Variants in B3GLCT observed in about 807,000 individuals in gnomAD.
B3GLCT encodes the protein beta 3-glucosyltransferase, also known as beta-1,3-glucosyltransferase.
B3GLCT carries 65 observed loss-of-function variants against 63.4 expected under a neutral mutation model. The ratio of observed to expected loss-of-function variants is 1.03; its 90% CI spans 0.84 to 1.26. The LOEUF (loss-of-function observed/expected upper bound fraction) is 1.26, where lower values mean the gene tolerates loss of function less well. B3GLCT is among the 50% of genes most tolerant of loss of function. B3GLCT has a pLI of 0.00. For synonymous variants in B3GLCT, 233 were observed against 219.2 expected, an observed-to-expected ratio of 1.06 and a Z score of -0.55; for missense variants, 577 against 604.8, an observed-to-expected ratio of 0.95 and a Z score of 0.48.
At chr13:31,219,229 C>T (rs117436208) in intron 2 of B3GLCT, among the ~76,000 whole-genome samples, 1 of 152,146 alleles carries the variant, frequency 6.6e-6, no homozygotes. Context: ...TTCAGCAGCA[C>T]ATCAAAAGCT....
chr13:31,212,090 C>T (rs185961723), intron 1 of B3GLCT, among the ~76,000 whole-genome samples: 43 of 151,582 alleles, frequency 2.8e-4, no homozygotes, highest in East Asian at 5.8e-4. Flanking sequence ...GGAATTAATT[C>T]GGGAGGGGTA....
chr13:31,288,898 T>G (rs1873494375), intron 12 of B3GLCT, among the ~76,000 whole-genome samples: 1 of 152,078 alleles, frequency 6.6e-6, no homozygotes, highest in South Asian at 2.1e-4. Context: ...TCCCAATCAG[T>G]AAGAATTCCT....
intron 2 of B3GLCT, among the ~76,000 whole-genome samples, chr13:31,215,983 G>C (rs1447618819): frequency 2.0e-5 from 3 of 152,060 alleles, no homozygotes; most frequent in African/African-American, 7.2e-5. Context: ...TTGTAGTCAG[G>C]GAATGTCTCT....
chr13:31,293,137 A>C (rs1196205538), intron 12 of B3GLCT, among the ~76,000 whole-genome samples: 1 of 152,168 alleles, frequency 6.6e-6, no homozygotes, highest in African/African-American at 2.4e-5. Flanking sequence ...TTAAATCCTA[A>C]GTTCTAATTT....
chr13:31,318,181 C>A (rs551660642), intron 13 of B3GLCT, among the ~76,000 whole-genome samples: 1 of 152,070 alleles, frequency 6.6e-6, no homozygotes, highest in Admixed American at 6.5e-5. Flanking sequence ...TAATCTCATA[C>A]GAAGAAAGAT....
chr13:31,223,362 A>G (rs1189501598), intron 3 of B3GLCT, among the ~76,000 whole-genome samples: 1 of 152,164 alleles, frequency 6.6e-6, no homozygotes, highest in Non-Finnish European at 1.5e-5. Flanking sequence ...GGAGAACAGA[A>G]CAAGCTGTGA....
intron 12 of B3GLCT, among the ~76,000 whole-genome samples, chr13:31,292,024 A>G (rs1873685450): frequency 6.6e-6 from 1 of 152,184 alleles, no homozygotes; most frequent in Non-Finnish European, 1.5e-5. Flanking sequence ...TTTAGCATGA[A>G]GGGGTGTTGA....
intron 12 of B3GLCT, 55 bp from the exon 13 acceptor site, chr13:31,317,511 C>T: frequency 6.2e-7 from 1 of 1,608,438 alleles, no homozygotes; most frequent in Non-Finnish European, 8.5e-7. Flanking sequence ...ATAAACTGTT[C>T]CATAACCACG....
intron 12 of B3GLCT, among the ~76,000 whole-genome samples, chr13:31,314,999 C>A (rs1240397245): frequency 6.6e-6 from 1 of 152,182 alleles, no homozygotes; most frequent in Non-Finnish European, 1.5e-5. Flanking sequence ...TTGCTGCCAC[C>A]ATGTAAGAAA....
intron 2 of B3GLCT, among the ~76,000 whole-genome samples, chr13:31,216,566 C>T (rs1442206746): frequency 6.6e-6 from 1 of 152,094 alleles, no homozygotes; most frequent in Non-Finnish European, 1.5e-5. Context: ...AAGCATAGTA[C>T]CCAATAGGTA....
intron 8 of B3GLCT, 83 bp downstream of exon 8, chr13:31,269,360 A>C: frequency 9.8e-7 from 1 of 1,024,698 alleles, no homozygotes; most frequent in Non-Finnish European, 1.5e-6. Flanking sequence ...GCATTCCCTA[A>C]TCTTGCATTT....
chr13:31,250,399 C>G (rs1014380969), intron 6 of B3GLCT, among the ~76,000 whole-genome samples: 1 of 152,222 alleles, frequency 6.6e-6, no homozygotes, highest in Non-Finnish European at 1.5e-5. Context: ...GTCTTCAACT[C>G]CTGGTCTCAA....
chr13:31,276,586 A>G, intron 9 of B3GLCT, 116 bp from the exon 10 acceptor site: 2 of 727,354 alleles, frequency 2.7e-6, no homozygotes, highest in Non-Finnish European at 4.9e-6. Flanking sequence ...TGCCGGAAAT[A>G]TGTTTGGTAT....
Position 31,260,972 on chromosome 13 carries a change from T to C in B3GLCT, c.486T>C (p.His162=), listed in dbSNP as rs1285302956. Residue 162 remains histidine (H), a synonymous_variant, in exon 7 of 15, where the codon CAT becomes CAC. Coordinates refer to ENST00000343307, the MANE Select transcript of B3GLCT (RefSeq NM_194318.4). ...SKEWFLGKAL[H]DEEATIIHHY... ...AATGGTTTTTGGGAAAAGCATTACA[T>C]GATGAAGAAGCTACAATAATTCACC... is the stretch of plus-strand genomic sequence containing the variant. 1.2e-6 allele frequency: 2 copies of C among 1,614,052 alleles called. No homozygotes were observed. Among genetic ancestry groups the C allele is most frequent in the East Asian group, 2.2e-5 (1 of 44,872 alleles).
chr13:31,319,883 T>C (rs1314403723), intron 13 of B3GLCT, among the ~76,000 whole-genome samples: 2 of 152,210 alleles, frequency 1.3e-5, no homozygotes, highest in Admixed American at 6.5e-5. Context: ...ATATATGAGT[T>C]CTTATCCCAG....
chr13:31,255,297 A>G (rs1871679571), intron 6 of B3GLCT, among the ~76,000 whole-genome samples: 1 of 152,202 alleles, frequency 6.6e-6, no homozygotes, highest in Non-Finnish European at 1.5e-5. Flanking sequence ...TAAGGAAATA[A>G]GAGAGGACAC....
At chr13:31,226,845 A>G (rs1870128301) in intron 3 of B3GLCT, among the ~76,000 whole-genome samples, 1 of 152,238 alleles carries the variant, frequency 6.6e-6, no homozygotes, top group Admixed American at 6.5e-5. Context: ...CATGTATTAT[A>G]TGTTCATTAG....
chr13:31,289,880 ATTATAC>A (rs1435232684), intron 12 of B3GLCT, among the ~76,000 whole-genome samples: 2 of 150,094 alleles, frequency 1.3e-5, no homozygotes, highest in African/African-American at 2.5e-5. Flanking sequence ...TTTTTTTTTA[ATTATAC>A]TTTAAGTTCT....
chr13:31,221,759 G>C (rs1486034374), intron 2 of B3GLCT, among the ~76,000 whole-genome samples: 1 of 152,142 alleles, frequency 6.6e-6, no homozygotes, highest in Non-Finnish European at 1.5e-5. Context: ...TGTTGGTAAG[G>C]GCTCACGACC....
Sources: gnomAD v4.1 joint callset for allele counts (sites outside exome capture counted in the v4.1 genomes callset) on GRCh38, gnomAD v4.1.1 for gene constraint, MANE v1.5 for transcripts, NCBI Gene and HGNC (gene_info 2026-07-23, HGNC 2026-07-21) for gene names.